RSRP1: variants seen among roughly 807,000 people sequenced by gnomAD.
RSRP1 encodes the protein arginine/serine-rich protein 1.
A neutral mutation model predicts 33.0 loss-of-function variants in RSRP1; 37 were observed. The observed-to-expected ratio is 1.12, with a 90% CI of 0.86 to 1.48. The LOEUF is 1.48. RSRP1 is among the 40% of genes most tolerant of loss of function. The probability of loss-of-function intolerance (pLI) is 0.00; values close to 1 mark genes in which losing one functional copy is unlikely to be tolerated. For synonymous variants in RSRP1, 167 were observed against 158.7 expected (o/e 1.05, Z -0.40); for missense variants, 402 against 385.3 (o/e 1.04, Z -0.36).
chr1:25,306,631 C>T lies in RSRP1; in HGVS notation c.-67+31347G>A, dbSNP rs199504547. The T allele has an allele frequency of 9.6e-5, 133 of 1,378,452 alleles. 9 individuals are homozygous for T. In the East Asian group the frequency reaches 2.8e-3, roughly 29 times the overall value. The allele number at this position is 1,378,452 out of a possible 1,614,324, so 85.4% of individuals were successfully genotyped here. ...ACCGAGTGCTGGGGATTCCCCACAG[C>T]TCCATCATGGGCTACAACTTCAGCT... is the stretch of plus-strand genomic sequence containing the variant. On this transcript the variant is annotated intron_variant, in intron 1 of 1. Coordinates refer to the RSRP1 transcript ENST00000561867.
At chr1:25,253,100 G>A (rs898165104) in intron 1 of RSRP1, 9 of 151,806 alleles carry the variant, frequency 5.9e-5, no homozygotes, top group African/African-American at 2.2e-4. Flanking sequence ...ACAAGAAGGG[G>A]TTTCACCATG....
At chr1:25,264,140 C>T (rs1344000176) in intron 1 of RSRP1, among the ~76,000 whole-genome samples, 1 of 151,872 alleles carries the variant, frequency 6.6e-6, no homozygotes, top group Non-Finnish European at 1.5e-5. Flanking sequence ...TCCAGGTACA[C>T]GGTGCAAGCT....
rs139704879 is a variant in RSRP1 at position 25,303,355 on chromosome 1, G to A, written c.-67+34623C>T. On this transcript the variant is annotated intron_variant, in intron 1 of 1. Transcript: ENST00000561867. ...GCACAGTGCGGTGTTGGCAGGAGGC[G>A]TGGCTGTGGGTACCTCGTGTCACCT... is the stretch of plus-strand genomic sequence containing the variant. 2,268 of 1,372,024 alleles carry A rather than the reference G, an allele frequency of 1.7e-3. 403 individuals are homozygous for A. The African/African-American group carries it at 0.024, about 14-fold the overall frequency. 85.0% of individuals were successfully genotyped at this position (1,372,024 alleles called of 1,614,324 possible). A position where few individuals can be genotyped will look rare whatever the true frequency, so the allele number is the denominator to read the frequency against.
intron 1 of RSRP1, among the ~76,000 whole-genome samples, chr1:25,268,344 C>A: frequency 7.6e-6 from 1 of 130,752 alleles, no homozygotes; most frequent in Non-Finnish European, 1.8e-5. Flanking sequence ...CGTGGTGAAA[C>A]CCTGTCACTA....
rs771879632 is a variant in RSRP1, at chr1:25,246,435, C to T, written c.520+9G>A. On this transcript the variant is annotated intron_variant, in intron 2 of 4. Transcript: ENST00000243189. Reference sequence around the variant, plus strand: ...TTACCACAAATGGAAAGGTAAATGACCCACCCACCTTTTTCACTTAAGCGA... The same window carrying T: ...TTACCACAAATGGAAAGGTAAATGATCCACCCACCTTTTTCACTTAAGCGA... 1 of 1,611,424 alleles carries T rather than the reference C, an allele frequency of 6.2e-7. No homozygotes were observed. Among genetic ancestry groups the T allele is most frequent in the Non-Finnish European group, 8.5e-7 (1 of 1,177,922 alleles).
At chr1:25,249,323 A>T (rs971697216), upstream of RSRP1, among the ~76,000 whole-genome samples, 1 of 152,144 alleles carries the variant, frequency 6.6e-6, no homozygotes, top group African/African-American at 2.4e-5. Context: ...GTGCCTAAAA[A>T]ATGGTGACCA....
intron 1 of RSRP1, among the ~76,000 whole-genome samples, chr1:25,318,608 A>G (rs1050681758): frequency 7.6e-6 from 1 of 132,016 alleles, no homozygotes; most frequent in African/African-American, 2.6e-5. Flanking sequence ...AAGAAAATAT[A>G]CATTCCATCC....
chr1:25,247,693 T>C (rs1411932830), upstream of RSRP1: 1 of 152,254 alleles, frequency 6.6e-6, no homozygotes, highest in African/African-American at 2.4e-5. Context: ...TCCCCCCTGA[T>C]CTGAGATAAT....
Position 25,246,313 on chromosome 1 carries a change from T to G in RSRP1, c.520+131A>C, listed in dbSNP as rs1157575242. ...ACTTAAATACAGGTAATGTCCTCCC[T>G]CTTTCCTCCAAAAAGATTTCGGGCA... On this transcript the variant is annotated intron_variant, in intron 2 of 4. Coordinates refer to ENST00000243189, the MANE Select transcript of RSRP1 (RefSeq NM_020317.5). 3.0e-5 allele frequency: 42 copies of G among 1,405,738 alleles called. No individual in the cohort carries two copies. The East Asian group carries it at 5.1e-4, about 17-fold the overall frequency. 87.1% of individuals were successfully genotyped at this position (1,405,738 alleles called of 1,614,324 possible). A position where few individuals can be genotyped will look rare whatever the true frequency, so the allele number is the denominator to read the frequency against.
At chr1:25,250,147 T>C (rs189108325), upstream of RSRP1, among the ~76,000 whole-genome samples, 45 of 152,242 alleles carry the variant, frequency 3.0e-4, no homozygotes, top group Admixed American at 2.6e-3. Context: ...AAAAAGTTAA[T>C]TGGTTATAGA....
At position 25,272,769 on chromosome 1, in the gene RSRP1, A is replaced by G. The variant is rs1020926236; in HGVS notation, c.-66-25740T>C. ...GGGCGGGGGAGGCCTGTGGTTCTCC[A>G]GGGGCACAGATGTTCCTTTCTACAA... On this transcript the variant is annotated intron_variant, in intron 1 of 1. Coordinates refer to the RSRP1 transcript ENST00000561867. The G allele has an allele frequency of 1.1e-5, 15 of 1,348,482 alleles. 3 individuals are homozygous for G. The African/African-American group carries it at 1.8e-4, about 17-fold the overall frequency. 83.5% of individuals were successfully genotyped at this position (1,348,482 alleles called of 1,614,324 possible).
intron 1 of RSRP1, among the ~76,000 whole-genome samples, chr1:25,334,781 C>T (rs1645058716): frequency 7.5e-6 from 1 of 133,426 alleles, no homozygotes; most frequent in Admixed American, 7.2e-5. Context: ...CCCGAAGCTA[C>T]AGCCCAAGCT....
chr1:25,251,803 C>T (rs1213894084), upstream of RSRP1, among the ~76,000 whole-genome samples: 1 of 152,118 alleles, frequency 6.6e-6, no homozygotes, highest in Non-Finnish European at 1.5e-5. Flanking sequence ...ATCCTTCTTC[C>T]TCATATCTTA....
chr1:25,319,686 T>A (rs1644592481), intron 1 of RSRP1, among the ~76,000 whole-genome samples: 1 of 132,102 alleles, frequency 7.6e-6, no homozygotes, highest in Non-Finnish European at 1.8e-5. Flanking sequence ...CCAAATGGAC[T>A]CCCAGAAGAC....
At chr1:25,322,341 T>C (rs1644756760) in intron 1 of RSRP1, among the ~76,000 whole-genome samples, 1 of 132,508 alleles carries the variant, frequency 7.5e-6, no homozygotes, top group Non-Finnish European at 1.8e-5. Context: ...CCAACCCCTT[T>C]TTTGACAGAT....
rs555244079 is a variant in RSRP1 at position 25,257,187 on chromosome 1, A to G, written c.-66-10158T>C. On this transcript the variant is annotated intron_variant, in intron 1 of 1. Transcript: ENST00000561867. ...TGGGAATGCCTTCTTGATCTCCCAG[A>G]CAGGTTTTCCTCCAATTATAGGTTA... 3.3e-5 allele frequency among the ~76,000 whole-genome samples: 5 copies of G among 152,348 alleles called. No individual in the cohort carries two copies. The South Asian group carries it at 1.0e-3, about 32-fold the overall frequency.
At chr1:25,243,428 T>A in intron 4 of RSRP1, 122 bp downstream of exon 4, 1 of 1,254,146 alleles carries the variant, frequency 8.0e-7, no homozygotes, top group Non-Finnish European at 1.1e-6. Flanking sequence ...ACAAATGATT[T>A]TAATTCTATT....
At position 25,306,688 on chromosome 1, in the gene RSRP1, T is replaced by C. The variant is rs1374487872; in HGVS notation, c.-67+31290A>G. On this transcript the variant is annotated intron_variant, in intron 1 of 1. Coordinates refer to the RSRP1 transcript ENST00000561867. Reference sequence around the variant, plus strand: ...GTCTGCTTGGAGAGATCATCTACATTGTGCTGCTGGTGCTTGATACCGTCG... The same window carrying C: ...GTCTGCTTGGAGAGATCATCTACATCGTGCTGCTGGTGCTTGATACCGTCG... The C allele has an allele frequency of 2.2e-6, 3 of 1,378,440 alleles. No homozygotes were observed. The Admixed American group carries it at 5.3e-5, about 25-fold the overall frequency. The allele number at this position is 1,378,440 out of a possible 1,614,324, so 85.4% of individuals were successfully genotyped here. A position where few individuals can be genotyped will look rare whatever the true frequency, so the allele number is the denominator to read the frequency against.
Position 25,303,631 on chromosome 1 carries a change from A to G in RSRP1, c.-67+34347T>C, listed in dbSNP as rs144430844. Among the ~76,000 whole-genome samples, 302 of 130,196 alleles carry G rather than the reference A, an allele frequency of 2.3e-3. 46 individuals are homozygous for G. Among genetic ancestry groups the G allele is most frequent in the African/African-American group, 7.5e-3 (285 of 37,890 alleles). 85.4% of individuals were successfully genotyped at this position (130,196 alleles called of 152,430 possible). Reference sequence around the variant, plus strand: ...TCCTGGCTCGGTGGCGCATTTGTTAAGATGCTCGGGAGCAGGTGGCAGAAC... The same window carrying G: ...TCCTGGCTCGGTGGCGCATTTGTTAGGATGCTCGGGAGCAGGTGGCAGAAC... On this transcript the variant is annotated intron_variant, in intron 1 of 1. Coordinates refer to the RSRP1 transcript ENST00000561867.
Sources: allele counts gnomAD v4.1 joint callset (sites outside exome capture counted in the v4.1 genomes callset), GRCh38; gene constraint gnomAD v4.1.1; transcripts MANE v1.5; gene names NCBI Gene and HGNC (gene_info 2026-07-23, HGNC 2026-07-21).